ATXN7L2: variants seen among roughly 807,000 people sequenced by gnomAD.
ATXN7L2 encodes the protein ataxin 7 like 2.
In ATXN7L2, 17 loss-of-function variants were observed where a neutral mutation model predicts 59.6. The observed-to-expected ratio is 0.29, with a 90% CI of 0.20 to 0.43. ATXN7L2 has a LOEUF of 0.43. Among genes scored for constraint, ATXN7L2 ranks in the 20% least tolerant of loss-of-function variants. The pLI is 1.00. For missense variants in ATXN7L2, 858 were observed against 1,008.9 expected, an observed-to-expected ratio of 0.85 and a Z score of 2.03; for synonymous variants, 378 against 392.5, an observed-to-expected ratio of 0.96 and a Z score of 0.44.
intron 10 of ATXN7L2, 130 bp from the exon 11 acceptor site, chr1:109,492,456 G>T: frequency 8.1e-7 from 1 of 1,236,548 alleles, no homozygotes. Context: ...CTTCCCCCTT[G>T]CTCAGTTTTA....
At chr1:109,484,215 CG>C in intron 1 of ATXN7L2, 135 bp downstream of exon 1, 15 of 975,348 alleles carry the variant, frequency 1.5e-5, no homozygotes, top group Non-Finnish European at 2.0e-5. Context: ...AAGGACCCGC[CG>C]GGTCCTAGTG....
In ATXN7L2 at chr1:109,488,865, C is replaced by T. The variant is rs1442570054; in HGVS notation, c.898C>T (p.Arg300Cys). The T allele has an allele frequency of 5.0e-6, 8 of 1,613,958 alleles. No homozygotes were observed. The Admixed American group carries it at 1.2e-4, about 24-fold the overall frequency. The change falls in exon 7 of 11, where the codon CGC becomes TGC. Residue 300 changes from arginine (R) to cysteine (C), a missense_variant. Coordinates refer to ENST00000683729, the MANE Select transcript of ATXN7L2 (RefSeq NM_001350175.2). This position sits in a 1 kb window ranked among gnomAD's most constrained non-coding sequence, Gnocchi z 5.0. The stretch of plus-strand genomic sequence containing the variant: ...ATTCTAGATCCACTCAGTACACCAG[C>T]GCCGGGAAGTCCAGGGCCGGGCCAA... ...LTCKIHSVHQ[R>C]REVQGRAKDF... is the part of the protein sequence containing the mutation.
intron 1 of ATXN7L2, chr1:109,485,825 G>A (rs1656548075): frequency 2.5e-6 from 3 of 1,195,930 alleles, no homozygotes; most frequent in Middle Eastern, 3.3e-4. Flanking sequence ...AGCAGGTGAA[G>A]GAAGATGGGC....
rs1291230629 is a variant in ATXN7L2, at chr1:109,488,785, C to T, written c.880-62C>T. ...AACTTGCCCGGGCCAAAGCACCCTG[C>T]CGTCCCTCACCCCTTCTCAGTTCAT... On this transcript the variant is annotated intron_variant, in intron 6 of 10. Transcript: ENST00000683729. This position sits in a 1 kb window ranked among gnomAD's most constrained non-coding sequence, Gnocchi z 5.0. 3 of 1,554,308 alleles carry T rather than the reference C, an allele frequency of 1.9e-6. No individual in the cohort carries two copies. In the East Asian group the frequency reaches 6.8e-5, roughly 35 times the overall value.
chr1:109,491,587 T>A lies in ATXN7L2; in HGVS notation c.2120T>A (p.Leu707Gln). 6.2e-7 allele frequency: 1 copy of A among 1,613,902 alleles called. No homozygotes were observed. Among genetic ancestry groups the A allele is most frequent in the Non-Finnish European group, 8.5e-7 (1 of 1,180,012 alleles). The change falls in exon 10 of 11, where the codon CTG (leucine) becomes CAG (glutamine). Residue 707 changes from leucine to glutamine, a missense_variant. Physicochemically the swap from Leu to Gln is moderately radical, Grantham distance 113 (BLOSUM62 -2). This residue lies in a region of ATXN7L2 where 734 missense variants were observed against 862.3 expected (regional missense o/e 0.85). Transcript: ENST00000683729. The surrounding 1 kb of genome is among the most constrained non-coding windows in gnomAD (Gnocchi z 4.1). ...EEEVAKKRKNLATYCRPVKAK... is the reference protein window; with the variant it reads ...EEEVAKKRKNQATYCRPVKAK... Reference sequence around the variant, plus strand: ...GAGGTGGCCAAGAAGCGGAAAAACCTGGCCACTTATTGCCGGCCAGTGAAG... The same window carrying A: ...GAGGTGGCCAAGAAGCGGAAAAACCAGGCCACTTATTGCCGGCCAGTGAAG...
rs1277013290 is a variant in ATXN7L2, at chr1:109,488,857, T to G, written c.890T>G (p.Val297Gly). The change falls in exon 7 of 11, where the codon GTA (valine) becomes GGA (glycine). Residue 297 changes from valine to glycine, a missense_variant. Val to Gly is a moderately radical substitution (Grantham distance 109). Coordinates refer to ENST00000683729, the MANE Select transcript of ATXN7L2 (RefSeq NM_001350175.2). This position sits in a 1 kb window ranked among gnomAD's most constrained non-coding sequence, Gnocchi z 5.0. The stretch of plus-strand genomic sequence containing the variant: ...TCTGCTGTATTCTAGATCCACTCAG[T>G]ACACCAGCGCCGGGAAGTCCAGGGC... The part of the protein sequence containing the change: ...TRLLTCKIHS[V>G]HQRREVQGRA... 1 of 1,613,766 alleles carries G rather than the reference T, an allele frequency of 6.2e-7. No homozygotes were observed. The highest frequency in any genetic ancestry group is 8.5e-7 in the Non-Finnish European group (1 of 1,179,992).
rs913427036 is a variant in ATXN7L2 at position 109,489,044 on chromosome 1, C to A, written c.1077C>A (p.Pro359=). The A allele has an allele frequency of 6.2e-7, 1 of 1,614,164 alleles. No homozygotes were observed. The highest frequency in any genetic ancestry group is 1.7e-5 in the Admixed American group (1 of 60,030). The change falls in exon 7 of 11, where the codon CCC becomes CCA. Residue 359 remains proline (P), a synonymous_variant. Coordinates refer to ENST00000683729, the MANE Select transcript of ATXN7L2 (RefSeq NM_001350175.2). ...AGGTTGTAGCAGCGGTGGCTGCTCCCAGCAGCACCTTCTCTGTTCGTGCCA... is the reference window on the plus strand; with the variant it reads ...AGGTTGTAGCAGCGGTGGCTGCTCCAAGCAGCACCTTCTCTGTTCGTGCCA... ...SVQVVAAVAA[P]SSTFSVRAKQ...
Position 109,491,650 on chromosome 1 carries a change from C to T in ATXN7L2, c.2183C>T (p.Ala728Val), listed in dbSNP as rs558433954. The T allele has an allele frequency of 1.7e-5, 28 of 1,612,734 alleles. No homozygotes were observed. The South Asian group carries it at 2.6e-4, about 15-fold the overall frequency. ...CAGGCTGGTGCCCCTGCTGATGTGGCCTGCTCTGTGCGCCGCAAGAAGCCA... is the reference window on the plus strand; with the variant it reads ...CAGGCTGGTGCCCCTGCTGATGTGGTCTGCTCTGTGCGCCGCAAGAAGCCA... ...HCQAGAPADVACSVRRKKPGP... is the reference protein window; with the variant it reads ...HCQAGAPADVVCSVRRKKPGP... Residue 728 changes from alanine to valine, a missense_variant, in exon 10 of 11, where the codon GCC (alanine) becomes GTC (valine). Coordinates refer to ENST00000683729, the MANE Select transcript of ATXN7L2 (RefSeq NM_001350175.2). The surrounding 1 kb of genome is among the most constrained non-coding windows in gnomAD (Gnocchi z 4.1).
At position 109,491,000 on chromosome 1, in the gene ATXN7L2, A is replaced by G. The variant is rs763085736; in HGVS notation, c.1533A>G (p.Thr511=). The G allele has an allele frequency of 6.2e-7, 1 of 1,613,116 alleles. No individual in the cohort carries two copies. The highest frequency in any genetic ancestry group is 2.2e-5 in the East Asian group (1 of 44,880). ...PLSAPLSPSS[T]GTCPRLPGPT... ...CTGCTCCCCTGAGCCCATCCTCTAC[A>G]GGCACCTGCCCCCGCCTTCCAGGTC... is the stretch of plus-strand genomic sequence containing the variant. Residue 511 remains threonine (T), a synonymous_variant, in exon 10 of 11, where the codon ACA becomes ACG. Coordinates refer to ENST00000683729, the MANE Select transcript of ATXN7L2 (RefSeq NM_001350175.2).
At chr1:109,484,227 C>G in intron 1 of ATXN7L2, 147 bp downstream of exon 1, 2 of 853,968 alleles carry the variant, frequency 2.3e-6, no homozygotes, top group Non-Finnish European at 3.1e-6. Context: ...GGTCCTAGTG[C>G]CCGCCCGCTC....
Position 109,484,003 on chromosome 1 carries a change from G to C in ATXN7L2, c.50G>C (p.Arg17Pro), listed in dbSNP as rs1469267799. Residue 17 changes from arginine to proline, a missense_variant, in exon 1 of 11, where the codon CGG (arginine) becomes CCG (proline). Coordinates refer to ENST00000683729, the MANE Select transcript of ATXN7L2 (RefSeq NM_001350175.2). ...AAAAMAALER[R>P]VPSLDDFAGQ... ...GCAGCAATGGCCGCTCTGGAGCGGCGGGTGCCGAGTCTCGATGACTTCGCG... is the reference window on the plus strand; with the variant it reads ...GCAGCAATGGCCGCTCTGGAGCGGCCGGTGCCGAGTCTCGATGACTTCGCG... 7 of 1,381,448 alleles carry C rather than the reference G, an allele frequency of 5.1e-6. No homozygotes were observed. The highest frequency in any genetic ancestry group is 5.7e-6 in the Non-Finnish European group (6 of 1,056,732). 85.6% of individuals were successfully genotyped at this position (1,381,448 alleles called of 1,614,324 possible). A position where few individuals can be genotyped will look rare whatever the true frequency, so the allele number is the denominator to read the frequency against.
Position 109,487,037 on chromosome 1 carries a change from A to G in ATXN7L2, c.329A>G (p.Tyr110Cys). Reference sequence around the variant, plus strand: ...AGACATGGGCCCCTCAGCAAGCTTTATGGCCGGGCCCCACCCCCACCTCCA... The same window carrying G: ...AGACATGGGCCCCTCAGCAAGCTTTGTGGCCGGGCCCCACCCCCACCTCCA... The part of the protein sequence containing the change: ...ERRHGPLSKL[Y>C]GRAPPPPPAP... The change falls in exon 4 of 11, where the codon TAT becomes TGT. Residue 110 changes from tyrosine to cysteine, a missense_variant. By Grantham distance (194) the Tyr-to-Cys change is radical. This residue lies in a region of ATXN7L2 where 734 missense variants were observed against 862.3 expected (regional missense o/e 0.85). Coordinates refer to ENST00000683729, the MANE Select transcript of ATXN7L2 (RefSeq NM_001350175.2). The G allele has an allele frequency of 6.2e-7, 1 of 1,607,234 alleles. No homozygotes were observed. The highest frequency in any genetic ancestry group is 8.5e-7 in the Non-Finnish European group (1 of 1,177,052).
At chr1:109,489,176 C>T in intron 7 of ATXN7L2, 76 bp downstream of exon 7, 1 of 1,526,086 alleles carries the variant, frequency 6.6e-7, no homozygotes, top group Non-Finnish European at 8.8e-7. Flanking sequence ...TGGAAACAGG[C>T]TCAGGGAGTG....
At position 109,486,995 on chromosome 1, in the gene ATXN7L2, T is replaced by C; in HGVS notation, c.299-12T>C. 6.4e-7 allele frequency: 1 copy of C among 1,569,798 alleles called. No homozygotes were observed. ...ACTCACCTTGATTATTCTTTCCACC[T>C]CCTGGTGACAGAAAGAAGACATGGG... On this transcript the variant is annotated splice_polypyrimidine_tract_variant and intron_variant, in intron 3 of 10. Transcript: ENST00000683729. The surrounding 1 kb of genome is among the most constrained non-coding windows in gnomAD (Gnocchi z 4.3).
At chr1:109,490,535 T>G in intron 9 of ATXN7L2, 143 bp downstream of exon 9, 1 of 1,266,562 alleles carries the variant, frequency 7.9e-7, no homozygotes, top group Non-Finnish European at 1.1e-6. Flanking sequence ...AGATAGGGAG[T>G]AGCATGAAAA....
intron 7 of ATXN7L2, 43 bp from the exon 8 acceptor site, chr1:109,489,887 C>A: frequency 6.2e-7 from 1 of 1,608,386 alleles, no homozygotes; most frequent in Non-Finnish European, 8.5e-7. Context: ...ACTCTGACCC[C>A]ACAACAGTCA....
chr1:109,490,342 C>T lies in ATXN7L2; in HGVS notation c.1404C>T (p.Cys468=), dbSNP rs1246392023. The change falls in exon 9 of 11, where the codon TGC becomes TGT. Residue 468 remains cysteine, a synonymous_variant. Transcript: ENST00000683729. The part of the protein sequence containing the change: ...YVFSRRLDRF[C]SALSSMLERH... ...TTAGCCGCCGGCTGGACCGGTTCTG[C>T]TCAGCACTCAGCTCCATGCTGGAAC... is the stretch of plus-strand genomic sequence containing the variant. 3 of 1,613,778 alleles carry T rather than the reference C, an allele frequency of 1.9e-6. No individual in the cohort carries two copies. Among genetic ancestry groups the T allele is most frequent in the African/African-American group, 1.3e-5 (1 of 74,932 alleles).
rs1461463644 is a variant in ATXN7L2, at chr1:109,486,229, G to A, written c.193+107G>A. On this transcript the variant is annotated intron_variant, in intron 2 of 10. Coordinates refer to ENST00000683729, the MANE Select transcript of ATXN7L2 (RefSeq NM_001350175.2). This position sits in a 1 kb window ranked among gnomAD's most constrained non-coding sequence, Gnocchi z 4.3. ...TGGCTGCTTGAAGCAGCTGTCTGGG[G>A]ACCCTCATTTTGATAGGTCCGAGTC... 1 of 1,462,526 alleles carries A rather than the reference G, an allele frequency of 6.8e-7. No homozygotes were observed. Among genetic ancestry groups the A allele is most frequent in the Non-Finnish European group, 9.1e-7 (1 of 1,102,994 alleles). 90.6% of individuals were successfully genotyped at this position (1,462,526 alleles called of 1,614,324 possible).
At position 109,486,709 on chromosome 1, in the gene ATXN7L2, G is replaced by A; in HGVS notation, c.298+99G>A. On this transcript the variant is annotated intron_variant, in intron 3 of 10. Coordinates refer to ENST00000683729, the MANE Select transcript of ATXN7L2 (RefSeq NM_001350175.2). The surrounding 1 kb of genome is among the most constrained non-coding windows in gnomAD (Gnocchi z 4.3). ...TGGGAGGTCTCGTAGGGTAATGGAG[G>A]GTGGTGTTGAGGATAGGAAGGTTGT... 9.4e-7 allele frequency: 1 copy of A among 1,065,908 alleles called. No individual in the cohort carries two copies. Among genetic ancestry groups the A allele is most frequent in the Admixed American group, 2.2e-5 (1 of 45,366 alleles). 66.0% of individuals were successfully genotyped at this position (1,065,908 alleles called of 1,614,324 possible).
Sources: gnomAD v4.1 joint callset for allele counts on GRCh38, gnomAD v4.1.1 for gene constraint, gnomAD v4.1.1 regional missense constraint, Gnocchi (gnomAD v3.1) non-coding constraint, MANE v1.5 for transcripts, NCBI Gene and HGNC (gene_info 2026-07-23, HGNC 2026-07-21) for gene names.